Variants in DLGAP4 observed in about 807,000 individuals in gnomAD.
DLGAP4 encodes the protein disks large-associated protein 4.
Under a neutral mutation model 86.9 loss-of-function variants are expected in DLGAP4, and 18 were observed. The observed-to-expected ratio is 0.21, with a 90% confidence interval of 0.14 to 0.31. The LOEUF (loss-of-function observed/expected upper bound fraction) is 0.31. Ranked by LOEUF, DLGAP4 falls within the 10% of genes least tolerant of loss-of-function variation. The pLI is 1.00. For missense variants in DLGAP4, 1,085 were observed against 1,362.6 expected, an observed-to-expected ratio of 0.80 and a Z score of 3.21; for synonymous variants, 548 against 574.3, an observed-to-expected ratio of 0.95 and a Z score of 0.65.
At chr20:36,377,398 A>G (rs1051567231) in intron 2 of DLGAP4, among the ~76,000 whole-genome samples, 26 of 152,310 alleles carry the variant, frequency 1.7e-4, no homozygotes, top group African/African-American at 5.8e-4. Context: ...CATCTGTAAT[A>G]CAAGGATAAC....
At position 36,436,336 on chromosome 20, in the gene DLGAP4, G is replaced by A; in HGVS notation, c.1227G>A (p.Gln409=). 6.3e-7 allele frequency: 1 copy of A among 1,596,526 alleles called. No homozygotes were observed. The highest frequency in any genetic ancestry group is 1.7e-5 in the Admixed American group (1 of 59,530). The change falls in exon 4 of 13, where the codon CAG becomes CAA. Residue 409 remains glutamine (Q), a synonymous_variant. Transcript: ENST00000339266. ...CCACGCAGCAGTCGCTGGGAGAGCA[G>A]AGCAACCCCCGCAGGTAGGCGCGCA... The part of the protein sequence containing the change: ...LRATQQSLGE[Q]SNPRRSLDRL...
At chr20:36,365,802 C>T (rs376328317) in intron 1 of DLGAP4, among the ~76,000 whole-genome samples, 5 of 152,194 alleles carry the variant, frequency 3.3e-5, no homozygotes, top group Admixed American at 2.0e-4. Context: ...CCCCGACCAG[C>T]GACTGTCCCT....
At chr20:36,396,586 C>CCA (rs544887620) in intron 2 of DLGAP4, among the ~76,000 whole-genome samples, 10,612 of 27,130 alleles carry the variant, frequency 0.39, 1,149 homozygotes, top group African/African-American at 0.51. Flanking sequence ...CATACACACA[C>CCA]CAGACACACA....
At chr20:36,505,670 G>C (rs1258952910) in intron 10 of DLGAP4, among the ~76,000 whole-genome samples, 1 of 152,110 alleles carries the variant, frequency 6.6e-6, no homozygotes. Context: ...CAGCTATTCG[G>C]GAGGCTGACA....
In DLGAP4 at chr20:36,313,889, C is replaced by A. The variant is rs947873895; in HGVS notation, c.-304+7377C>A. Among the ~76,000 whole-genome samples, 19 of 152,262 alleles carry A rather than the reference C, an allele frequency of 1.2e-4. No homozygotes were observed. The East Asian group carries it at 3.5e-3, about 28-fold the overall frequency. On this transcript the variant is annotated intron_variant, in intron 1 of 12. Coordinates refer to ENST00000339266, the MANE Select transcript of DLGAP4 (RefSeq NM_001365621.2). ...CTGTGCCCTCTCTGGGTCTCAGTTA[C>A]CCCATCGGAACAGCAAGAGTCAGGA...
At chr20:36,347,336 C>A (rs1555893121) in intron 1 of DLGAP4, among the ~76,000 whole-genome samples, 2 of 152,070 alleles carry the variant, frequency 1.3e-5, no homozygotes, top group South Asian at 2.1e-4. Flanking sequence ...AAGATGGATT[C>A]TTTAGTGTGT....
At chr20:36,361,002 T>A (rs1555894192) in intron 1 of DLGAP4, among the ~76,000 whole-genome samples, 1 of 151,588 alleles carries the variant, frequency 6.6e-6, no homozygotes, top group Non-Finnish European at 1.5e-5. Flanking sequence ...GGGTGGTGAT[T>A]CGAGTCGTGG....
chr20:36,311,247 C>G (rs2147330964), intron 1 of DLGAP4, among the ~76,000 whole-genome samples: 1 of 151,872 alleles, frequency 6.6e-6, no homozygotes, highest in South Asian at 2.1e-4. Context: ...GGGGGTGGAC[C>G]CTCAGCCGAG....
chr20:36,444,503 C>T (rs541965994), intron 6 of DLGAP4, among the ~76,000 whole-genome samples: 3 of 151,664 alleles, frequency 2.0e-5, no homozygotes, highest in South Asian at 2.1e-4. Context: ...CTCAAACTCC[C>T]GAACACAAGT....
chr20:36,334,922 C>T (rs781907896), intron 1 of DLGAP4, among the ~76,000 whole-genome samples: 1 of 152,092 alleles, frequency 6.6e-6, no homozygotes, highest in Admixed American at 6.5e-5. Context: ...CGCCTGAGCC[C>T]GATTGCCCCC....
chr20:36,368,537 T>C (rs1415986944), intron 2 of DLGAP4, among the ~76,000 whole-genome samples: 1 of 152,142 alleles, frequency 6.6e-6, no homozygotes, highest in Non-Finnish European at 1.5e-5. Flanking sequence ...CCCCATTAAT[T>C]AGCTGCCCCA....
At position 36,500,521 on chromosome 20, in the gene DLGAP4, C is replaced by T; in HGVS notation, c.2422C>T (p.Leu808=). ...CTGCCGCCGAGACGGCTACTGGTTC[C>T]TAAAGCTACTGCAGGCAGAAACAGA... is the stretch of plus-strand genomic sequence containing the variant. The part of the protein sequence containing the change: ...GACRRDGYWF[L]KLLQAETERL... The change falls in exon 10 of 13, where the codon CTA becomes TTA. Residue 808 remains leucine, a synonymous_variant. Transcript: ENST00000339266. The surrounding 1 kb of genome is among the most constrained non-coding windows in gnomAD (Gnocchi z 4.6). 4 of 1,583,066 alleles carry T rather than the reference C, an allele frequency of 2.5e-6. No individual in the cohort carries two copies. Among genetic ancestry groups the T allele is most frequent in the Non-Finnish European group, 2.6e-6 (3 of 1,165,152 alleles).
intron 2 of DLGAP4, among the ~76,000 whole-genome samples, chr20:36,396,373 CACCCCACATACACACAT>C (rs2031963637): frequency 4.8e-5 from 2 of 41,492 alleles, no homozygotes; most frequent in Admixed American, 2.1e-4. Context: ...CACATACACA[CACCCCACATACACACAT>C]GCCACATACA....
At chr20:36,444,431 G>A (rs1286042321) in intron 6 of DLGAP4, among the ~76,000 whole-genome samples, 1 of 151,940 alleles carries the variant, frequency 6.6e-6, no homozygotes, top group African/African-American at 2.4e-5. Context: ...CTACAGGCAC[G>A]CACCACCATG....
At chr20:36,396,353 A>G in intron 2 of DLGAP4, among the ~76,000 whole-genome samples, 1 of 133,950 alleles carries the variant, frequency 7.5e-6, no homozygotes, top group East Asian at 2.3e-4. Flanking sequence ...ACACACACAC[A>G]TACCACACGC....
rs1166094641 is a variant in DLGAP4, at chr20:36,393,961, T to C, written c.-73+26686T>C. ...AGGCCCTGCTGTACACACAGGGAGG[T>C]GGCCTTCACAGGGTGCCCCCTCCCT... On this transcript the variant is annotated intron_variant, in intron 2 of 12. Coordinates refer to ENST00000339266, the MANE Select transcript of DLGAP4 (RefSeq NM_001365621.2). This position sits in a 1 kb window ranked among gnomAD's most constrained non-coding sequence, Gnocchi z 4.4. Among the ~76,000 whole-genome samples the C allele has an allele frequency of 1.3e-5, 2 of 151,992 alleles. No individual in the cohort carries two copies. The highest frequency in any genetic ancestry group is 3.9e-4 in the East Asian group (2 of 5,170).
At chr20:36,337,987 G>A (rs965138231) in intron 1 of DLGAP4, among the ~76,000 whole-genome samples, 2 of 152,186 alleles carry the variant, frequency 1.3e-5, no homozygotes, top group Non-Finnish European at 2.9e-5. Flanking sequence ...GGAGGGGAGG[G>A]AGGAGTGGGA....
intron 7 of DLGAP4, among the ~76,000 whole-genome samples, chr20:36,490,498 C>T (rs552765734): frequency 3.3e-5 from 5 of 152,278 alleles, no homozygotes; most frequent in African/African-American, 1.2e-4. Flanking sequence ...AGCCCTTCCA[C>T]TAATGAGCCT....
chr20:36,398,845 G>A (rs376066971), intron 2 of DLGAP4, among the ~76,000 whole-genome samples: 2 of 152,204 alleles, frequency 1.3e-5, no homozygotes, highest in African/African-American at 2.4e-5. Context: ...TATGATGGGA[G>A]TTGCTGGAGA....
Sources: gnomAD v4.1 joint callset for allele counts (sites outside exome capture counted in the v4.1 genomes callset) on GRCh38, gnomAD v4.1.1 for gene constraint, Gnocchi (gnomAD v3.1) non-coding constraint, MANE v1.5 for transcripts, NCBI Gene and HGNC (gene_info 2026-07-23, HGNC 2026-07-21) for gene names.